Variants in GLMN observed in about 807,000 individuals in gnomAD.
GLMN encodes glomulin.
GLMN carries 75 observed loss-of-function variants against 87.8 expected under a neutral mutation model. That is an observed-to-expected ratio of 0.85 (90% CI 0.71 to 1.04). The LOEUF (loss-of-function observed/expected upper bound fraction) is 1.04, where lower values mean the gene tolerates loss of function less well. GLMN is among the 50% of genes least tolerant of loss of function. GLMN has a pLI of 0.00. For synonymous variants in GLMN, 206 were observed against 221.6 expected (o/e 0.93, Z 0.63); for missense variants, 588 against 658.8 (o/e 0.89, Z 1.18).
the GLMN span, among the ~76,000 whole-genome samples, chr1:92,337,367 A>T: frequency 6.6e-6 from 1 of 152,124 alleles, no homozygotes; most frequent in Non-Finnish European, 1.5e-5. Context: ...AAACTGGCAA[A>T]TTTAAAAACA....
chr1:92,303,618 T>A (rs1054224214), upstream of GLMN, among the ~76,000 whole-genome samples: 2 of 152,212 alleles, frequency 1.3e-5, no homozygotes, highest in African/African-American at 4.8e-5. Context: ...GTTAATTTTT[T>A]AAATAATACT....
intron 7 of GLMN, 54 bp from the exon 8 acceptor site, chr1:92,271,706 C>A: frequency 1.6e-6 from 2 of 1,214,840 alleles, no homozygotes; most frequent in African/African-American, 1.5e-5. Context: ...AAATGCCCCC[C>A]ACCCCGTGTA....
chr1:92,357,751 C>G, the GLMN span, among the ~76,000 whole-genome samples: 1 of 152,210 alleles, frequency 6.6e-6, no homozygotes, highest in African/African-American at 2.4e-5. Context: ...AGGCTGGTCT[C>G]GAACTCTTGG....
chr1:92,346,895 G>C, the GLMN span, among the ~76,000 whole-genome samples: 4 of 152,148 alleles, frequency 2.6e-5, no homozygotes, highest in African/African-American at 9.7e-5. Context: ...GCTTGTTAGA[G>C]GTCATTGAAG....
upstream of GLMN, among the ~76,000 whole-genome samples, chr1:92,301,015 G>C (rs1650816018): frequency 6.6e-6 from 1 of 152,240 alleles, no homozygotes; most frequent in Non-Finnish European, 1.5e-5. Context: ...AATTTAGTTG[G>C]AGGTGGGTGG....
the GLMN span, among the ~76,000 whole-genome samples, chr1:92,322,957 A>G: frequency 6.8e-6 from 1 of 147,456 alleles, no homozygotes; most frequent in African/African-American, 2.5e-5. Flanking sequence ...TATATAATAT[A>G]CATTATATAT....
intron 7 of GLMN, among the ~76,000 whole-genome samples, chr1:92,278,075 T>A (rs1053469460): frequency 6.6e-6 from 1 of 152,170 alleles, no homozygotes; most frequent in African/African-American, 2.4e-5. Context: ...TGGTGTCCGT[T>A]GTACAACTGC....
At chr1:92,274,209 C>A (rs1272947467) in intron 7 of GLMN, among the ~76,000 whole-genome samples, 1 of 152,176 alleles carries the variant, frequency 6.6e-6, no homozygotes, top group African/African-American at 2.4e-5. Flanking sequence ...GAACCACTCA[C>A]CTACATCCTC....
the GLMN span, among the ~76,000 whole-genome samples, chr1:92,357,785 G>A: frequency 6.6e-6 from 1 of 152,270 alleles, no homozygotes; most frequent in South Asian, 2.1e-4. Flanking sequence ...GCCTGCCTTG[G>A]CCTCCCAAAG....
the GLMN span, among the ~76,000 whole-genome samples, chr1:92,304,675 G>A: frequency 6.6e-6 from 1 of 152,200 alleles, no homozygotes; most frequent in South Asian, 2.1e-4. Flanking sequence ...CTTGATATAT[G>A]ACAGCGGGAG....
intron 1 of GLMN, among the ~76,000 whole-genome samples, chr1:92,298,407 T>C (rs1650418496): frequency 6.6e-6 from 1 of 152,182 alleles, no homozygotes; most frequent in African/African-American, 2.4e-5. Context: ...GCACTTCTTT[T>C]CTGAAAAAAA....
At chr1:92,303,956 A>G (rs758884999), upstream of GLMN, 1 of 1,504,996 alleles carries the variant, frequency 6.6e-7, no homozygotes, top group Non-Finnish European at 9.1e-7. Flanking sequence ...AGGAGGAAAT[A>G]ACCCTCTCAT....
In GLMN at chr1:92,279,095, A is replaced by ATTTAGTG. The variant is rs1174053479; in HGVS notation, c.735+7394_735+7395insCACTAAA. Among the ~76,000 whole-genome samples, 4 of 3,916 alleles carry ATTTAGTG rather than the reference A, an allele frequency of 1.0e-3. No individual in the cohort carries two copies. The East Asian group carries it at 0.21, about 210-fold the overall frequency. The allele number at this position is 3,916 out of a possible 152,430, so 2.6% of individuals were successfully genotyped here. Reference sequence around the variant, plus strand: ...CAATCACCTTTTCACTGTCTCTTGCATGTCCTAACTTTACTCCTTACCCAG... The same window carrying ATTTAGTG: ...CAATCACCTTTTCACTGTCTCTTGCATTTAGTGTGTCCTAACTTTACTCCTTACCCAG... On this transcript the variant is annotated intron_variant, in intron 7 of 18. Transcript: ENST00000370360.
chr1:92,291,469 T>C lies in GLMN; in HGVS notation c.234A>G (p.Lys78=). The C allele has an allele frequency of 1.9e-6, 3 of 1,603,636 alleles. No homozygotes were observed. Among genetic ancestry groups the C allele is most frequent in the Non-Finnish European group, 2.6e-6 (3 of 1,170,454 alleles). The change falls in exon 4 of 19, where the codon AAA becomes AAG. Residue 78 remains lysine, a synonymous_variant. Transcript: ENST00000370360. ...PVVRCLLCKD[K]EDSKRKVYFL... ...AATAAACTTTTCTTTTACTATCCTC[T>C]TTATCTTTACACAAAAGGCATCGAA... is the stretch of plus-strand genomic sequence containing the variant.
chr1:92,367,951 G>A, the GLMN span, among the ~76,000 whole-genome samples: 1 of 152,192 alleles, frequency 6.6e-6, no homozygotes, highest in African/African-American at 2.4e-5. Flanking sequence ...AGTCAGGTTT[G>A]CAGCTATCTG....
the GLMN span, among the ~76,000 whole-genome samples, chr1:92,351,305 C>CA: frequency 0.012 from 1,066 of 86,682 alleles, 26 homozygotes; most frequent in Non-Finnish European, 0.015. Context: ...GACTCTGTCT[C>CA]AAAAAAAAAA....
chr1:92,267,918 G>C lies in GLMN; in HGVS notation c.1093C>G (p.Pro365Ala). The C allele has an allele frequency of 7.4e-7, 1 of 1,346,398 alleles. No individual in the cohort carries two copies. The highest frequency in any genetic ancestry group is 2.3e-5 in the East Asian group (1 of 43,574). The allele number at this position is 1,346,398 out of a possible 1,614,324, so 83.4% of individuals were successfully genotyped here. Residue 365 changes from proline to alanine, a missense_variant, in exon 11 of 19, where the codon CCT becomes GCT. Physicochemically the swap from Pro to Ala is conservative, Grantham distance 27. Transcript: ENST00000370360. ...AGAATACATATTTTATTTACCTGAGGTACAGTAAGAAAACTCTTGATTTCT... is the reference window on the plus strand; with the variant it reads ...AGAATACATATTTTATTTACCTGAGCTACAGTAAGAAAACTCTTGATTTCT... Reference protein sequence around the residue: ...YLEIKSFLTVPQGLVKVMTLC... With the variant: ...YLEIKSFLTVAQGLVKVMTLC...
the GLMN span, among the ~76,000 whole-genome samples, chr1:92,326,005 A>C: frequency 2.6e-4 from 39 of 151,912 alleles, no homozygotes; most frequent in Admixed American, 2.6e-3. Flanking sequence ...TCTCGTATTT[A>C]TCTCTCTGCT....
chr1:92,338,713 C>T, the GLMN span, among the ~76,000 whole-genome samples: 9 of 148,006 alleles, frequency 6.1e-5, no homozygotes, highest in Non-Finnish European at 1.3e-4. Flanking sequence ...TTCAGTGATG[C>T]GATCATGGCT....
Sources: allele counts gnomAD v4.1 joint callset (sites outside exome capture counted in the v4.1 genomes callset), GRCh38; gene constraint gnomAD v4.1.1; transcripts MANE v1.5; gene names NCBI Gene and HGNC (gene_info 2026-07-23, HGNC 2026-07-21).